ZNF124: variants seen among roughly 807,000 people sequenced by gnomAD.
ZNF124 encodes zinc finger protein 124, also known as zinc finger protein HZF-16.
ZNF124 carries 25 observed loss-of-function variants against 26.6 expected under a neutral mutation model. The ratio of observed to expected loss-of-function variants is 0.94; its 90% CI spans 0.68 to 1.31. ZNF124 has a LOEUF of 1.31. ZNF124 is among the 40% of genes most tolerant of loss of function. The probability of loss-of-function intolerance (pLI) is 0.00; values close to 1 mark genes in which losing one functional copy is unlikely to be tolerated. For missense variants in ZNF124, 444 were observed against 422.2 expected (o/e 1.05, Z -0.45); for synonymous variants, 129 against 133.3 (o/e 0.97, Z 0.22).
At chr1:247,149,107 C>A (rs1672860870) in intron 3 of ZNF124, among the ~76,000 whole-genome samples, 1 of 152,300 alleles carries the variant, frequency 6.6e-6, no homozygotes, top group South Asian at 2.1e-4. Context: ...TGAAGATACA[C>A]ATCCTTCAAG....
intron 3 of ZNF124, chr1:247,138,729 C>T (rs1390372802): frequency 5.0e-6 from 2 of 398,418 alleles, no homozygotes; most frequent in African/African-American, 4.1e-5. Context: ...AGTAGAAACC[C>T]ATAAGCACAT....
In ZNF124 at chr1:247,159,708, A is replaced by T; in HGVS notation, c.136T>A (p.Phe46Ile). ...TTACCTATGGAAGCCAGATTCCTGA[A>T]GGTTTCCTGCATCACGTCTCTATAG... ...NLYRDVMQET[F>I]RNLASIGNKG... The change falls in exon 2 of 4, where the codon TTC (phenylalanine) becomes ATC (isoleucine). Residue 46 changes from phenylalanine to isoleucine, a missense_variant. By Grantham distance (21) the Phe-to-Ile change is conservative. Transcript: ENST00000543802. 1 of 1,612,398 alleles carries T rather than the reference A, an allele frequency of 6.2e-7. No individual in the cohort carries two copies. The highest frequency in any genetic ancestry group is 1.3e-5 in the African/African-American group (1 of 74,954).
chr1:247,123,623 C>T (rs1280937254), exon 4 of ZNF124: 6 of 468,630 alleles, frequency 1.3e-5, no homozygotes, highest in East Asian at 1.3e-4. Flanking sequence ...CAGAAGCATT[C>T]TCTGGAGGCA....
chr1:247,130,160 C>A (rs1292786700), intron 3 of ZNF124, among the ~76,000 whole-genome samples: 1 of 152,122 alleles, frequency 6.6e-6, no homozygotes, highest in African/African-American at 2.4e-5. Context: ...TTTATCAGTA[C>A]AGCTTGAGAG....
intron 1 of ZNF124, among the ~76,000 whole-genome samples, chr1:247,164,272 T>A (rs1305184921): frequency 6.6e-6 from 1 of 151,766 alleles, no homozygotes; most frequent in Non-Finnish European, 1.5e-5. Flanking sequence ...CCTATTAACA[T>A]ACTACTGAAA....
chr1:247,149,692 GGGA>G (rs1672876745), intron 3 of ZNF124, among the ~76,000 whole-genome samples: 1 of 152,174 alleles, frequency 6.6e-6, no homozygotes. Context: ...AGGGGAAATG[GGGA>G]GACATTGCTG....
In ZNF124 at chr1:247,159,040, C is replaced by A. The variant is rs762712109; in HGVS notation, c.184G>T (p.Glu62Ter). ...IGNKGEDQSI[E>*]DQYKNSSRNL... ...CTTGAAGAATTTTTGTACTGATCTT[C>A]AATGCTCTGGTCTTCCCCTTTGTTT... The change falls in exon 3 of 4, where the codon GAA (glutamate) becomes TAA (stop). Residue 62 changes from glutamate to a stop codon, truncating the protein, a stop_gained. Coordinates refer to ENST00000543802, the MANE Select transcript of ZNF124 (RefSeq NM_001297568.2). LOFTEE classifies it high-confidence loss of function. 4.6e-5 allele frequency: 75 copies of A among 1,613,076 alleles called. No homozygotes were observed. In the Middle Eastern group the frequency reaches 1.2e-3, roughly 25 times the overall value.
downstream of ZNF124, among the ~76,000 whole-genome samples, chr1:247,150,663 GAAC>G (rs1452742502): frequency 6.6e-6 from 1 of 150,990 alleles, no homozygotes; most frequent in Non-Finnish European, 1.5e-5. Context: ...GCTGGGGAAA[GAAC>G]AAATAAAATT....
At chr1:247,160,886 CTA>C (rs1558389638) in intron 1 of ZNF124, among the ~76,000 whole-genome samples, 2 of 152,120 alleles carry the variant, frequency 1.3e-5, no homozygotes, top group African/African-American at 4.8e-5. Context: ...GTAATTAACA[CTA>C]ATAATCAATA....
At chr1:247,141,252 T>C (rs550511481) in intron 3 of ZNF124, among the ~76,000 whole-genome samples, 3 of 152,164 alleles carry the variant, frequency 2.0e-5, no homozygotes, top group South Asian at 2.1e-4. Flanking sequence ...AAGGCACTTA[T>C]GGTATTTGTT....
At chr1:247,152,475 C>T (rs1198639196), downstream of ZNF124, among the ~76,000 whole-genome samples, 2 of 151,924 alleles carry the variant, frequency 1.3e-5, no homozygotes, top group East Asian at 3.9e-4. Flanking sequence ...TAATATTCAA[C>T]AAAATAGACT....
chr1:247,122,854 G>A (rs1039000734), exon 4 of ZNF124: 5 of 152,226 alleles, frequency 3.3e-5, no homozygotes, highest in African/African-American at 1.2e-4. Flanking sequence ...TCTGCTGATG[G>A]TGGCCACGTG....
chr1:247,127,581 A>G (rs1368563517), intron 3 of ZNF124, among the ~76,000 whole-genome samples: 1 of 140,132 alleles, frequency 7.1e-6, no homozygotes, highest in African/African-American at 2.6e-5. Context: ...GCCTGGTTAC[A>G]GATTGACCCT....
downstream of ZNF124, among the ~76,000 whole-genome samples, chr1:247,151,825 A>C (rs1275706059): frequency 6.9e-6 from 1 of 145,816 alleles, no homozygotes; most frequent in East Asian, 2.0e-4. Flanking sequence ...CTAAAAAAAA[A>C]AAACCAAAAC....
At chr1:247,153,650 C>T (rs1673010316), downstream of ZNF124, among the ~76,000 whole-genome samples, 1 of 152,144 alleles carries the variant, frequency 6.6e-6, no homozygotes, top group African/African-American at 2.4e-5. Context: ...TGTAGACCAT[C>T]TGTGTGATTA....
intron 3 of ZNF124, among the ~76,000 whole-genome samples, chr1:247,132,974 C>A (rs1044780001): frequency 1.3e-5 from 2 of 152,246 alleles, no homozygotes; most frequent in East Asian, 1.9e-4. Context: ...CTCTTTAACC[C>A]GGTGTCTGAG....
exon 4 of ZNF124, chr1:247,123,708 C>T: frequency 1.7e-6 from 1 of 578,888 alleles, no homozygotes; most frequent in South Asian, 2.2e-5. Flanking sequence ...AGAAGAGTTA[C>T]TTTCCAGGAC....
chr1:247,163,121 T>C (rs1478511994), intron 1 of ZNF124, among the ~76,000 whole-genome samples: 2 of 151,850 alleles, frequency 1.3e-5, no homozygotes, highest in African/African-American at 2.4e-5. Flanking sequence ...AGAACAAACA[T>C]ACAAGAATCT....
chr1:247,165,092 G>C (rs565823825), intron 1 of ZNF124, among the ~76,000 whole-genome samples: 1 of 151,856 alleles, frequency 6.6e-6, no homozygotes, highest in Non-Finnish European at 1.5e-5. Context: ...TCAGCCTCCC[G>C]AGTAGCTGTG....
Sources: gnomAD v4.1 joint callset for allele counts (sites outside exome capture counted in the v4.1 genomes callset) on GRCh38, gnomAD v4.1.1 for gene constraint, MANE v1.5 for transcripts, NCBI Gene and HGNC (gene_info 2026-07-23, HGNC 2026-07-21) for gene names.